The following KCNB2 variants were observed in gnomAD, a reference collection of about 807,000 sequenced individuals.
The protein encoded by KCNB2 is delayed rectifier potassium channel protein.
In KCNB2, 15 loss-of-function variants were observed where a neutral mutation model predicts 61.5. That is an observed-to-expected ratio of 0.24 (90% CI 0.16 to 0.38). KCNB2 has a LOEUF of 0.38. Among genes scored for constraint, KCNB2 ranks in the 10% least tolerant of loss-of-function variants. The probability of loss-of-function intolerance (pLI) is 1.00; values close to 1 mark genes in which losing one functional copy is unlikely to be tolerated. For missense variants in KCNB2, 828 were observed against 1,125.2 expected (o/e 0.74, Z 3.78); for synonymous variants, 457 against 446.0 (o/e 1.02, Z -0.31).
At chr8:72,715,058 CAAA>C (rs1486375945) in intron 2 of KCNB2, among the ~76,000 whole-genome samples, 1 of 152,050 alleles carries the variant, frequency 6.6e-6, no homozygotes, top group African/African-American at 2.4e-5. Context: ...TCAAAAGAGA[CAAA>C]GAAGGCCATT....
At chr8:72,710,887 G>A (rs920976285) in intron 2 of KCNB2, among the ~76,000 whole-genome samples, 1 of 152,216 alleles carries the variant, frequency 6.6e-6, no homozygotes, top group Non-Finnish European at 1.5e-5. Context: ...TATTTAAGTG[G>A]ATGGAGAAGT....
chr8:72,747,368 C>T (rs1307374456), intron 2 of KCNB2, among the ~76,000 whole-genome samples: 2 of 152,154 alleles, frequency 1.3e-5, no homozygotes. Context: ...ATCGTAAGAG[C>T]TTGAGCTCCA....
intron 2 of KCNB2, among the ~76,000 whole-genome samples, chr8:72,574,867 C>G (rs541299290): frequency 3.3e-4 from 49 of 150,624 alleles, no homozygotes; most frequent in African/African-American, 1.1e-3. Flanking sequence ...AATAAATGAT[C>G]TACTCTTTTA....
At chr8:72,673,240 A>T (rs1257077811) in intron 2 of KCNB2, among the ~76,000 whole-genome samples, 1 of 152,182 alleles carries the variant, frequency 6.6e-6, no homozygotes, top group Non-Finnish European at 1.5e-5. Context: ...ATCTCATCTT[A>T]AATTGTAGTT....
At chr8:72,919,474 G>A (rs1475962451) in intron 2 of KCNB2, among the ~76,000 whole-genome samples, 2 of 152,210 alleles carry the variant, frequency 1.3e-5, no homozygotes, top group Non-Finnish European at 2.9e-5. Context: ...ACAGAAGATA[G>A]GCTTCTGAAC....
At chr8:72,664,686 A>T (rs979297681) in intron 2 of KCNB2, among the ~76,000 whole-genome samples, 3 of 152,256 alleles carry the variant, frequency 2.0e-5, no homozygotes, top group Non-Finnish European at 2.9e-5. Flanking sequence ...AGTAGTCTAG[A>T]TACTAGGGAT....
intron 2 of KCNB2, among the ~76,000 whole-genome samples, chr8:72,684,426 C>A (rs940498998): frequency 6.6e-6 from 1 of 152,012 alleles, no homozygotes; most frequent in Non-Finnish European, 1.5e-5. Flanking sequence ...AGCCCTTGAA[C>A]CAGGGGCAGA....
chr8:72,931,911 G>T (rs1431727287), intron 2 of KCNB2, among the ~76,000 whole-genome samples: 3 of 152,200 alleles, frequency 2.0e-5, no homozygotes, highest in Non-Finnish European at 4.4e-5. Flanking sequence ...TACTTGGGAG[G>T]CTGAGGCACA....
rs117394811 is a variant in KCNB2, at chr8:72,609,893, G to A, written c.579+41580G>A. Reference sequence around the variant, plus strand: ...AGACCCAGGACGTCGTTACGTTGAAGTCCAGCATTCAGGGGCTGCTGTTCA... The same window carrying A: ...AGACCCAGGACGTCGTTACGTTGAAATCCAGCATTCAGGGGCTGCTGTTCA... On this transcript the variant is annotated intron_variant, in intron 2 of 2. Transcript: ENST00000523207. Among the ~76,000 whole-genome samples the A allele has an allele frequency of 5.0e-3, 759 of 152,324 alleles. 8 individuals are homozygous for A. The highest frequency in any genetic ancestry group is 6.9e-3 in the Non-Finnish European group (466 of 68,026).
intron 1 of KCNB2, among the ~76,000 whole-genome samples, chr8:72,545,390 T>C (rs74595945): frequency 1.3e-5 from 2 of 152,330 alleles, no homozygotes; most frequent in Non-Finnish European, 2.9e-5. Flanking sequence ...AACAGTGTGC[T>C]CACTTCTTGT....
At chr8:72,624,615 A>G (rs1452706309) in intron 2 of KCNB2, among the ~76,000 whole-genome samples, 1 of 152,148 alleles carries the variant, frequency 6.6e-6, no homozygotes, top group Non-Finnish European at 1.5e-5. Context: ...ACCTGATCAC[A>G]CTAACAAGAT....
chr8:72,675,334 A>T lies in KCNB2; in HGVS notation c.579+107021A>T, dbSNP rs568396429. Among the ~76,000 whole-genome samples the T allele has an allele frequency of 8.7e-4, 133 of 152,306 alleles. 3 individuals carry two copies. The South Asian group carries it at 0.016, about 18-fold the overall frequency. ...TTGAAGAAAATTGAACAAAATATGC[A>T]ATAAGAAAAATTCTGTGCTGGTCCC... On this transcript the variant is annotated intron_variant, in intron 2 of 2. Transcript: ENST00000523207.
intron 1 of KCNB2, among the ~76,000 whole-genome samples, chr8:72,544,096 C>T (rs1305061053): frequency 6.6e-6 from 1 of 152,182 alleles, no homozygotes; most frequent in Non-Finnish European, 1.5e-5. Context: ...CAGGACTTCA[C>T]AGATGAAGTG....
At chr8:72,679,994 A>AGATC (rs1325990440) in intron 2 of KCNB2, among the ~76,000 whole-genome samples, 1 of 152,234 alleles carries the variant, frequency 6.6e-6, no homozygotes, top group African/African-American at 2.4e-5. Context: ...TATTAAGCTA[A>AGATC]GATCGATAAT....
intron 2 of KCNB2, among the ~76,000 whole-genome samples, chr8:72,608,005 G>A (rs1279425416): frequency 6.6e-6 from 1 of 152,116 alleles, no homozygotes; most frequent in East Asian, 1.9e-4. Context: ...ATTTGAGCAG[G>A]AACCAAGCAG....
intron 1 of KCNB2, among the ~76,000 whole-genome samples, chr8:72,546,611 G>C (rs900736233): frequency 2.8e-4 from 43 of 151,984 alleles, no homozygotes; most frequent in African/African-American, 1.0e-3. Flanking sequence ...CATTGATGAA[G>C]GTGGCTACAA....
intron 2 of KCNB2, among the ~76,000 whole-genome samples, chr8:72,726,903 C>T (rs1180029878): frequency 5.3e-5 from 8 of 152,120 alleles, no homozygotes; most frequent in Non-Finnish European, 1.2e-4. Context: ...AGAAAGCTCC[C>T]AGCTCCAGCC....
At chr8:72,601,831 C>T (rs1805355584) in intron 2 of KCNB2, among the ~76,000 whole-genome samples, 1 of 152,182 alleles carries the variant, frequency 6.6e-6, no homozygotes, top group Admixed American at 6.6e-5. Flanking sequence ...TTGACAATAT[C>T]ACCCAAGCAG....
chr8:72,574,505 A>G (rs1296221716), intron 2 of KCNB2, among the ~76,000 whole-genome samples: 2 of 152,202 alleles, frequency 1.3e-5, no homozygotes, highest in African/African-American at 2.4e-5. Flanking sequence ...ATTTTTGAAA[A>G]AGTAAATTAC....
Sources: allele counts gnomAD v4.1 joint callset (sites outside exome capture counted in the v4.1 genomes callset), GRCh38; gene constraint gnomAD v4.1.1; transcripts MANE v1.5; gene names NCBI Gene and HGNC (gene_info 2026-07-23, HGNC 2026-07-21).